MBP: variants seen among roughly 807,000 people sequenced by gnomAD.
MBP encodes the protein Golli-MBP.
Under a neutral mutation model 35.8 loss-of-function variants are expected in MBP, and 16 were observed. The ratio of observed to expected loss-of-function variants is 0.45; its 90% CI spans 0.30 to 0.68. The LOEUF (loss-of-function observed/expected upper bound fraction) is 0.68, where lower values mean the gene tolerates loss of function less well. Among genes scored for constraint, MBP ranks in the 30% least tolerant of loss-of-function variants. MBP has a pLI of 0.08. For synonymous variants in MBP, 143 were observed against 159.6 expected (o/e 0.90, Z 0.78); for missense variants, 380 against 404.7 (o/e 0.94, Z 0.52).
chr18:77,091,355 ACT>A (rs945236685), intron 2 of MBP, among the ~76,000 whole-genome samples: 18 of 152,098 alleles, frequency 1.2e-4, no homozygotes, highest in African/African-American at 3.9e-4. Flanking sequence ...AGTAGCAAGG[ACT>A]CTGTTTTCCA....
intron 8 of MBP, 173 bp downstream of exon 8, chr18:76,984,602 G>C: frequency 1.3e-6 from 1 of 795,644 alleles, no homozygotes; most frequent in Non-Finnish European, 2.0e-6. Flanking sequence ...AAATCCACGC[G>C]TAAATGCGGG....
chr18:76,980,298 G>A lies in MBP; in HGVS notation c.*129C>T. On this transcript the variant is annotated 3_prime_UTR_variant, in exon 9 of 9. Transcript: ENST00000355994. The stretch of plus-strand genomic sequence containing the variant: ...GGCTGCCGTGGCCTGACCCTACTAC[G>A]TGCACAACTCCGCAGGCATTAGGGG... 3 of 879,428 alleles carry A rather than the reference G, an allele frequency of 3.4e-6. No individual in the cohort carries two copies. Among genetic ancestry groups the A allele is most frequent in the Non-Finnish European group, 5.9e-6 (3 of 511,344 alleles). 54.5% of individuals were successfully genotyped at this position (879,428 alleles called of 1,614,324 possible).
intron 1 of MBP, among the ~76,000 whole-genome samples, chr18:77,112,148 T>G (rs1422233267): frequency 1.4e-5 from 2 of 138,242 alleles, no homozygotes; most frequent in African/African-American, 5.4e-5. Context: ...CAAAAACCCG[T>G]AGAATGAACA....
intron 2 of MBP, among the ~76,000 whole-genome samples, chr18:77,081,891 G>A (rs903788563): frequency 2.0e-4 from 15 of 74,026 alleles, no homozygotes; most frequent in Admixed American, 4.5e-4. Context: ...TCGCTCTGTC[G>A]CACAGGCTGG....
chr18:77,101,416 C>G lies in MBP; in HGVS notation c.51+3795G>C, dbSNP rs1599247715. On this transcript the variant is annotated intron_variant, in intron 2 of 8. Coordinates refer to ENST00000355994, the MANE Select transcript of MBP (RefSeq NM_001025101.2). The surrounding 1 kb of genome is among the most constrained non-coding windows in gnomAD (Gnocchi z 4.3). Reference sequence around the variant, plus strand: ...AGGCAGAACAGGAGTTTCTTCGTTTCTGAGAAGGAGCGCTGTGCCCTGAAC... The same window carrying G: ...AGGCAGAACAGGAGTTTCTTCGTTTGTGAGAAGGAGCGCTGTGCCCTGAAC... Among the ~76,000 whole-genome samples, 1 of 152,362 alleles carries G rather than the reference C, an allele frequency of 6.6e-6. No individual in the cohort carries two copies. The highest frequency in any genetic ancestry group is 1.9e-4 in the East Asian group (1 of 5,188).
At chr18:77,062,407 A>G (rs1330749634) in intron 3 of MBP, among the ~76,000 whole-genome samples, 1 of 152,074 alleles carries the variant, frequency 6.6e-6, no homozygotes, top group African/African-American at 2.4e-5. Context: ...TGCTTCCCCA[A>G]AGCTTGGACA....
At chr18:77,092,383 G>A (rs1975568703) in intron 2 of MBP, among the ~76,000 whole-genome samples, 1 of 152,200 alleles carries the variant, frequency 6.6e-6, no homozygotes, top group African/African-American at 2.4e-5. Flanking sequence ...AAGGAGCGTC[G>A]TCATGGCCAC....
chr18:77,001,294 G>A (rs546200544), intron 4 of MBP, among the ~76,000 whole-genome samples: 9 of 152,356 alleles, frequency 5.9e-5, no homozygotes, highest in African/African-American at 1.7e-4. Flanking sequence ...GGGTGTGCCC[G>A]CGTTTCTCTT....
intron 7 of MBP, chr18:76,986,091 G>T: frequency 4.0e-5 from 39 of 985,576 alleles, no homozygotes; most frequent in Non-Finnish European, 4.6e-5. Context: ...GTTAACAATG[G>T]GGGGCGAAGT....
chr18:77,070,202 T>TG (rs1475764619), intron 2 of MBP, among the ~76,000 whole-genome samples: 1 of 152,170 alleles, frequency 6.6e-6, no homozygotes, highest in African/African-American at 2.4e-5. Context: ...CGAGAGGGGA[T>TG]GGGTCCTGGC....
chr18:77,127,615 G>A (rs187712982), intron 1 of MBP: 1 of 152,276 alleles, frequency 6.6e-6, no homozygotes, highest in East Asian at 1.9e-4. Flanking sequence ...AGATAAAGTG[G>A]TAGAAAATAA....
intron 2 of MBP, among the ~76,000 whole-genome samples, chr18:77,092,062 TA>T (rs1306016919): frequency 6.6e-6 from 1 of 152,236 alleles, no homozygotes; most frequent in African/African-American, 2.4e-5. Context: ...TTATTAAATA[TA>T]AAAAAGTTCT....
rs561919041 is a variant in MBP, at chr18:77,092,082, AG to A, written c.51+13128del. Reference sequence around the variant, plus strand: ...AAATATAAAAAAGTTCTTTCCTAATAGTAAAAGCAAGCACAGATTTTAGACG... The same window carrying A: ...AAATATAAAAAAGTTCTTTCCTAATATAAAAGCAAGCACAGATTTTAGACG... On this transcript the variant is annotated intron_variant, in intron 2 of 8. Transcript: ENST00000355994. Among the ~76,000 whole-genome samples the A allele has an allele frequency of 2.0e-5, 3 of 152,382 alleles. No individual in the cohort carries two copies. The East Asian group carries it at 5.8e-4, about 29-fold the overall frequency.
In MBP at chr18:76,979,844, C is replaced by A; in HGVS notation, c.*583G>T. 1 of 652,406 alleles carries A rather than the reference C, an allele frequency of 1.5e-6. No individual in the cohort carries two copies. 40.4% of individuals were successfully genotyped at this position (652,406 alleles called of 1,614,324 possible). A position where few individuals can be genotyped will look rare whatever the true frequency, so the allele number is the denominator to read the frequency against. Reference sequence around the variant, plus strand: ...TGTGCTGCCCCACGTTGGACTCTAACAGCTGCCCAGCCCGCATGTCACATA... The same window carrying A: ...TGTGCTGCCCCACGTTGGACTCTAAAAGCTGCCCAGCCCGCATGTCACATA... On this transcript the variant is annotated 3_prime_UTR_variant, in exon 9 of 9. Coordinates refer to ENST00000355994, the MANE Select transcript of MBP (RefSeq NM_001025101.2).
intron 2 of MBP, among the ~76,000 whole-genome samples, chr18:77,098,792 C>T (rs527832480): frequency 9.8e-5 from 15 of 152,334 alleles, no homozygotes; most frequent in African/African-American, 3.4e-4. Flanking sequence ...TCACTCTCAC[C>T]GGCCCTAAAC....
chr18:77,088,913 C>CA lies in MBP; in HGVS notation c.51+16297dup, dbSNP rs1398826129. On this transcript the variant is annotated intron_variant, in intron 2 of 8. Coordinates refer to ENST00000355994, the MANE Select transcript of MBP (RefSeq NM_001025101.2). ...AGATGAGATCAGTCTGCATGGGCTA[C>CA]AAGGCCTAAAATCAAGGCCTGAGTC... Among the ~76,000 whole-genome samples the CA allele has an allele frequency of 2.0e-5, 3 of 152,354 alleles. No individual in the cohort carries two copies. In the East Asian group the frequency reaches 5.8e-4, roughly 29 times the overall value.
At chr18:77,092,079 A>G (rs1396458366) in intron 2 of MBP, among the ~76,000 whole-genome samples, 1 of 152,266 alleles carries the variant, frequency 6.6e-6, no homozygotes, top group Non-Finnish European at 1.5e-5. Context: ...GTTCTTTCCT[A>G]ATAGTAAAAG....
intron 2 of MBP, among the ~76,000 whole-genome samples, chr18:77,076,868 G>A (rs1203108386): frequency 6.6e-6 from 1 of 152,144 alleles, no homozygotes; most frequent in African/African-American, 2.4e-5. Flanking sequence ...CTGGAGCCAG[G>A]CGCCGAGGCA....
chr18:77,045,372 G>A (rs909806831), intron 3 of MBP, among the ~76,000 whole-genome samples: 3 of 151,830 alleles, frequency 2.0e-5, no homozygotes, highest in African/African-American at 7.2e-5. Flanking sequence ...GAATTGACCC[G>A]CTGCAGCAGC....
Sources: gnomAD v4.1 joint callset for allele counts (sites outside exome capture counted in the v4.1 genomes callset) on GRCh38, gnomAD v4.1.1 for gene constraint, Gnocchi (gnomAD v3.1) non-coding constraint, MANE v1.5 for transcripts, NCBI Gene and HGNC (gene_info 2026-07-23, HGNC 2026-07-21) for gene names.